The following ARHGEF3 variants were observed in gnomAD, a reference collection of about 807,000 sequenced individuals.
The protein encoded by ARHGEF3 is 59.8 kDA protein.
ARHGEF3 carries 28 observed loss-of-function variants against 63.2 expected under a neutral mutation model. The observed-to-expected ratio is 0.44, with a 90% confidence interval of 0.33 to 0.61. ARHGEF3 has a LOEUF of 0.61. ARHGEF3 is among the 20% of genes least tolerant of loss of function. ARHGEF3 has a pLI of 0.03. For synonymous variants in ARHGEF3, 266 were observed against 254.2 expected, an observed-to-expected ratio of 1.05 and a Z score of -0.44; for missense variants, 533 against 659.3, an observed-to-expected ratio of 0.81 and a Z score of 2.10.
rs1333579730 is a variant in ARHGEF3, at chr3:57,000,341, C to CACA, written c.62+34746_62+34747insTGT. 9.3e-5 allele frequency among the ~76,000 whole-genome samples: 14 copies of CACA among 150,918 alleles called. No homozygotes were observed. The East Asian group carries it at 2.5e-3, about 27-fold the overall frequency. Reference sequence around the variant, plus strand: ...ACACACACACACACACACACACACACACCTTAAGCATCAGGCCCCACAAAA... The same window carrying CACA: ...ACACACACACACACACACACACACACACAACCTTAAGCATCAGGCCCCACAAAA... On this transcript the variant is annotated intron_variant, in intron 2 of 12. Coordinates refer to the ARHGEF3 transcript ENST00000338458.
intron 2 of ARHGEF3, among the ~76,000 whole-genome samples, chr3:56,999,294 G>A (rs759645361): frequency 5.3e-5 from 8 of 151,986 alleles, no homozygotes; most frequent in African/African-American, 9.7e-5. Context: ...CAAGTGATCC[G>A]CCCACCTCGG....
At chr3:56,984,982 C>A (rs1701477114) in intron 2 of ARHGEF3, among the ~76,000 whole-genome samples, 1 of 152,206 alleles carries the variant, frequency 6.6e-6, no homozygotes, top group African/African-American at 2.4e-5. Flanking sequence ...TATGGGAAGT[C>A]ATATTTCTTC....
At chr3:56,933,582 C>A (rs903946650) in intron 3 of ARHGEF3, among the ~76,000 whole-genome samples, 1 of 151,802 alleles carries the variant, frequency 6.6e-6, no homozygotes, top group Non-Finnish European at 1.5e-5. Flanking sequence ...ATCACACCTG[C>A]CTAATTTTTG....
At chr3:56,773,541 C>T (rs2036120253) in intron 2 of ARHGEF3, among the ~76,000 whole-genome samples, 168 bp downstream of exon 2, 2 of 152,206 alleles carry the variant, frequency 1.3e-5, no homozygotes, top group South Asian at 4.1e-4. Flanking sequence ...TTGACTGCAA[C>T]TTGAAAAACA....
intron 4 of ARHGEF3, 98 bp downstream of exon 4, chr3:56,753,406 C>T (rs765206623): frequency 6.7e-6 from 7 of 1,041,680 alleles, no homozygotes; most frequent in East Asian, 2.4e-5. Flanking sequence ...CAGTCTTAGT[C>T]ATAAAGACAG....
chr3:56,981,073 C>T (rs1457676368), intron 2 of ARHGEF3, among the ~76,000 whole-genome samples: 1 of 152,218 alleles, frequency 6.6e-6, no homozygotes, highest in Non-Finnish European at 1.5e-5. Context: ...TCAGCAGAGT[C>T]GCCAAGGAGC....
chr3:56,918,610 G>A (rs957095013), intron 3 of ARHGEF3, among the ~76,000 whole-genome samples: 10 of 152,210 alleles, frequency 6.6e-5, no homozygotes, highest in South Asian at 4.1e-4. Flanking sequence ...GGGCACGGCC[G>A]TCTCCTCTGA....
At chr3:56,888,671 G>C (rs2041006522) in intron 3 of ARHGEF3, among the ~76,000 whole-genome samples, 2 of 152,142 alleles carry the variant, frequency 1.3e-5, no homozygotes, top group African/African-American at 4.8e-5. Context: ...GGGAGGCCGA[G>C]GCAGTTGGAT....
intron 4 of ARHGEF3, among the ~76,000 whole-genome samples, chr3:56,835,777 C>T (rs981285891): frequency 6.6e-6 from 1 of 152,094 alleles, no homozygotes; most frequent in Admixed American, 6.6e-5. Flanking sequence ...CACCCCAGGC[C>T]GGATAGCTAA....
At chr3:56,740,051 C>T (rs2033913916) in intron 7 of ARHGEF3, among the ~76,000 whole-genome samples, 1 of 152,040 alleles carries the variant, frequency 6.6e-6, no homozygotes, top group South Asian at 2.1e-4. Context: ...GGGCACCTGC[C>T]ACCACGCCCA....
intron 2 of ARHGEF3, chr3:56,977,509 G>A (rs1365920784): frequency 1.7e-5 from 6 of 347,966 alleles, no homozygotes; most frequent in Non-Finnish European, 2.8e-5. Flanking sequence ...GGAGAGACAT[G>A]TCCTTTTACC....
Position 56,729,490 on chromosome 3 carries a change from G to A in ARHGEF3, c.1361C>T (p.Ala454Val), listed in dbSNP as rs1338262355. 6.2e-7 allele frequency: 1 copy of A among 1,614,202 alleles called. No individual in the cohort carries two copies. The highest frequency in any genetic ancestry group is 8.5e-7 in the Non-Finnish European group (1 of 1,180,028). Reference protein sequence around the residue: ...IRQAKETVLCAAGQAGVLDSE... With the variant: ...IRQAKETVLCVAGQAGVLDSE... ...GTCAAGCACCCCAGCTTGCCCGGCAGCACACAAAACTGTTTCTTTGGCTTG... is the reference window on the plus strand; with the variant it reads ...GTCAAGCACCCCAGCTTGCCCGGCAACACACAAAACTGTTTCTTTGGCTTG... Residue 454 changes from alanine to valine, a missense_variant, in exon 10 of 10, where the codon GCT (alanine) becomes GTT (valine). This residue lies in a region of ARHGEF3 where 115 missense variants were observed against 103.4 expected (regional missense o/e 1.11). Coordinates refer to ENST00000296315, the MANE Select transcript of ARHGEF3 (RefSeq NM_019555.3).
chr3:57,065,318 G>A (rs868359988), intron 1 of ARHGEF3, among the ~76,000 whole-genome samples: 11 of 152,088 alleles, frequency 7.2e-5, no homozygotes, highest in African/African-American at 2.2e-4. Context: ...AAAATTAGCC[G>A]GGTGTGATGG....
intron 2 of ARHGEF3, among the ~76,000 whole-genome samples, chr3:57,030,832 G>C (rs76405304): frequency 0.016 from 2,481 of 152,302 alleles, 68 homozygotes; most frequent in African/African-American, 0.057. Context: ...TCCAGAAATA[G>C]AAGCAGCAAG....
intron 1 of ARHGEF3, among the ~76,000 whole-genome samples, chr3:56,785,766 C>G (rs1390710615): frequency 6.6e-6 from 1 of 152,166 alleles, no homozygotes; most frequent in African/African-American, 2.4e-5. Context: ...ACATCTCAGG[C>G]AAGCAAAGCT....
chr3:56,929,121 A>G (rs916131841), intron 3 of ARHGEF3, among the ~76,000 whole-genome samples: 4 of 152,204 alleles, frequency 2.6e-5, no homozygotes, highest in African/African-American at 9.6e-5. Flanking sequence ...AAAGGCTGCA[A>G]TTTGGGTCCT....
intron 2 of ARHGEF3, among the ~76,000 whole-genome samples, chr3:56,759,107 CTGT>C (rs1163335720): frequency 6.6e-6 from 1 of 151,960 alleles, no homozygotes; most frequent in Non-Finnish European, 1.5e-5. Flanking sequence ...GAAGTAACAA[CTGT>C]TAAGTTTGTT....
At chr3:56,854,303 A>T (rs376720013) in intron 4 of ARHGEF3, among the ~76,000 whole-genome samples, 39 of 152,204 alleles carry the variant, frequency 2.6e-4, no homozygotes, top group African/African-American at 8.7e-4. Context: ...ATGTCAAGGA[A>T]GCCCAGATCT....
Position 57,017,257 on chromosome 3 carries a change from TG to T in ARHGEF3, c.62+17830del, listed in dbSNP as rs540939636. Among the ~76,000 whole-genome samples, 411 of 152,072 alleles carry T rather than the reference TG, an allele frequency of 2.7e-3. 1 individual carries two copies. Among genetic ancestry groups the T allele is most frequent in the Middle Eastern group, 0.02 (6 of 294 alleles). On this transcript the variant is annotated intron_variant, in intron 2 of 12. Transcript: ENST00000338458. ...CCATCAGGAGAGAGTCAGCAGAGGTTGGGGGAAGGGTAGGGATGTATATTCA... is the reference window on the plus strand; with the variant it reads ...CCATCAGGAGAGAGTCAGCAGAGGTTGGGGAAGGGTAGGGATGTATATTCA...
Sources: allele counts gnomAD v4.1 joint callset (sites outside exome capture counted in the v4.1 genomes callset), GRCh38; gene constraint gnomAD v4.1.1; regional missense constraint gnomAD v4.1.1; transcripts MANE v1.5; gene names NCBI Gene and HGNC (gene_info 2026-07-23, HGNC 2026-07-21).